The following NDRG3 variants were observed in gnomAD, a reference collection of about 807,000 sequenced individuals.
The protein encoded by NDRG3 is protein NDRG3.
Under a neutral mutation model 57.2 loss-of-function variants are expected in NDRG3, and 23 were observed. That is an observed-to-expected ratio of 0.40 (90% CI 0.29 to 0.57). The LOEUF is 0.57. Ranked by LOEUF, NDRG3 falls within the 20% of genes least tolerant of loss-of-function variation. The pLI is 0.42. For missense variants in NDRG3, 384 were observed against 457.3 expected, an observed-to-expected ratio of 0.84 and a Z score of 1.46; for synonymous variants, 132 against 162.6, an observed-to-expected ratio of 0.81 and a Z score of 1.43.
At chr20:36,716,630 C>T (rs1231023285) in intron 2 of NDRG3, among the ~76,000 whole-genome samples, 1 of 152,292 alleles carries the variant, frequency 6.6e-6, no homozygotes, top group African/African-American at 2.4e-5. Context: ...ATTTATTCCC[C>T]TTTCTGCTAT....
chr20:36,687,878 C>T (rs929834814), intron 4 of NDRG3, among the ~76,000 whole-genome samples: 6 of 152,102 alleles, frequency 3.9e-5, no homozygotes, highest in African/African-American at 1.2e-4. Context: ...TGGTGGTTTC[C>T]GATTATTGCA....
chr20:36,715,036 A>AT (rs1984181699), intron 2 of NDRG3, among the ~76,000 whole-genome samples: 1 of 117,356 alleles, frequency 8.5e-6, no homozygotes, highest in African/African-American at 3.9e-5. Context: ...ATATATATAT[A>AT]TATATATATA....
chr20:36,706,655 C>A (rs973026665), intron 3 of NDRG3, among the ~76,000 whole-genome samples: 5 of 152,124 alleles, frequency 3.3e-5, no homozygotes, highest in Non-Finnish European at 4.4e-5. Context: ...AAGCATGCAC[C>A]ACCACGCTTG....
At chr20:36,714,551 C>T (rs1984114386) in intron 2 of NDRG3, among the ~76,000 whole-genome samples, 1 of 150,970 alleles carries the variant, frequency 6.6e-6, no homozygotes, top group African/African-American at 2.4e-5. Context: ...AAGCCATTCT[C>T]CTGCCTCAGC....
intron 5 of NDRG3, 41 bp downstream of exon 5, chr20:36,687,445 TGCTCTA>T: frequency 1.3e-6 from 2 of 1,595,824 alleles, no homozygotes; most frequent in Non-Finnish European, 1.7e-6. Flanking sequence ...CTCAGCCAGT[TGCTCTA>T]CTGAGTGCAC....
At chr20:36,740,493 T>G (rs1456352045) in intron 1 of NDRG3, among the ~76,000 whole-genome samples, 1 of 152,142 alleles carries the variant, frequency 6.6e-6, no homozygotes. Context: ...ACTACAGATG[T>G]GTGCCACCAT....
chr20:36,706,885 A>G, intron 3 of NDRG3, 87 bp downstream of exon 3: 1 of 1,113,096 alleles, frequency 9.0e-7, no homozygotes, highest in Non-Finnish European at 1.3e-6. Flanking sequence ...ATAATGAGAG[A>G]TCCACTTCTA....
At chr20:36,661,090 G>C (rs1000224080) in intron 12 of NDRG3, among the ~76,000 whole-genome samples, 1 of 152,120 alleles carries the variant, frequency 6.6e-6, no homozygotes, top group Non-Finnish European at 1.5e-5. Flanking sequence ...GAGTACAACT[G>C]GTTCTAATGA....
At chr20:36,668,781 T>C (rs995771313) in intron 9 of NDRG3, 1 of 151,272 alleles carries the variant, frequency 6.6e-6, no homozygotes, top group Non-Finnish European at 1.5e-5. Flanking sequence ...CATAGTTATA[T>C]ATATACATAG....
intron 1 of NDRG3, among the ~76,000 whole-genome samples, chr20:36,723,438 CA>C (rs773428909): frequency 6.6e-6 from 1 of 152,006 alleles, no homozygotes. Flanking sequence ...CCTATCAAGT[CA>C]GGAAAAATGT....
chr20:36,682,440 G>T, intron 7 of NDRG3, 78 bp downstream of exon 7: 2 of 1,161,806 alleles, frequency 1.7e-6, no homozygotes, highest in Non-Finnish European at 2.6e-6. Flanking sequence ...AATACTGCCT[G>T]GTCATTTAAC....
chr20:36,689,781 C>T (rs1982108963), intron 3 of NDRG3, among the ~76,000 whole-genome samples: 1 of 147,180 alleles, frequency 6.8e-6, no homozygotes, highest in Admixed American at 7.0e-5. Flanking sequence ...AGTGCAGTGG[C>T]GCGATCTCGG....
chr20:36,722,675 C>T (rs1412223319), intron 1 of NDRG3, among the ~76,000 whole-genome samples: 6 of 152,118 alleles, frequency 3.9e-5, no homozygotes, highest in African/African-American at 7.2e-5. Flanking sequence ...GCTTACTAAT[C>T]CTCATTTGGG....
Position 36,658,408 on chromosome 20 carries a change from C to T in NDRG3, c.859-1876G>A, listed in dbSNP as rs6028617. Among the ~76,000 whole-genome samples, 1,050 of 152,266 alleles carry T rather than the reference C, an allele frequency of 6.9e-3. 13 individuals are homozygous for T. The highest frequency in any genetic ancestry group is 0.024 in the African/African-American group (989 of 41,546). The stretch of plus-strand genomic sequence containing the variant: ...GGATTACAGGTGTGAGCCACCATGC[C>T]CAGCCCCTCCCCAAAATTTTTAGAC... On this transcript the variant is annotated intron_variant, in intron 13 of 15. Transcript: ENST00000349004.
At chr20:36,745,765 C>A (rs1456231596) in intron 1 of NDRG3, among the ~76,000 whole-genome samples, 2 of 152,172 alleles carry the variant, frequency 1.3e-5, no homozygotes, top group Non-Finnish European at 2.9e-5. Context: ...TCCCTGTGAC[C>A]CAGGGTGTTG....
Position 36,653,389 on chromosome 20 carries a change from C to G in NDRG3, c.*131G>C. The G allele has an allele frequency of 1.3e-6, 1 of 760,106 alleles. No individual in the cohort carries two copies. Among genetic ancestry groups the G allele is most frequent in the Non-Finnish European group, 2.1e-6 (1 of 478,470 alleles). 47.1% of individuals were successfully genotyped at this position (760,106 alleles called of 1,614,324 possible). A position where few individuals can be genotyped will look rare whatever the true frequency, so the allele number is the denominator to read the frequency against. ...AGGCAGAGAGAATGATAAATCCAGG[C>G]TACTAGAGAGAGGTTCAGTGGCCAT... On this transcript the variant is annotated 3_prime_UTR_variant, in exon 16 of 16. Transcript: ENST00000349004. The surrounding 1 kb of genome is among the most constrained non-coding windows in gnomAD (Gnocchi z 4.2).
intron 1 of NDRG3, among the ~76,000 whole-genome samples, chr20:36,730,592 C>T (rs1433824480): frequency 6.6e-6 from 1 of 150,754 alleles, no homozygotes; most frequent in African/African-American, 2.4e-5. Context: ...CCTGAAATTA[C>T]GAAATGTGAA....
At chr20:36,662,552 C>T (rs902833654) in intron 12 of NDRG3, among the ~76,000 whole-genome samples, 2 of 152,194 alleles carry the variant, frequency 1.3e-5, no homozygotes, top group African/African-American at 4.8e-5. Flanking sequence ...GAATCTTACT[C>T]ATTTTCATAT....
intron 1 of NDRG3, among the ~76,000 whole-genome samples, chr20:36,734,233 C>T (rs1275259): frequency 0.063 from 9,540 of 152,018 alleles, 1,041 homozygotes; most frequent in African/African-American, 0.22. Context: ...GTGACATGGA[C>T]TGACCAAAAT....
Sources: gnomAD v4.1 joint callset for allele counts (sites outside exome capture counted in the v4.1 genomes callset) on GRCh38, gnomAD v4.1.1 for gene constraint, Gnocchi (gnomAD v3.1) non-coding constraint, MANE v1.5 for transcripts, NCBI Gene and HGNC (gene_info 2026-07-23, HGNC 2026-07-21) for gene names.